GUCY2F: variants seen among roughly 807,000 people sequenced by gnomAD.
The protein encoded by GUCY2F is guanylate cyclase 2F, retinal, also known as retinal guanylyl cyclase 2.
Under a neutral mutation model 73.1 loss-of-function variants are expected in GUCY2F, and 61 were observed. The observed-to-expected ratio is 0.83, with a 90% confidence interval of 0.68 to 1.03. The LOEUF (loss-of-function observed/expected upper bound fraction) is 1.03. Ranked by LOEUF, GUCY2F falls within the 50% of genes least tolerant of loss-of-function variation. GUCY2F has a pLI of 0.00. For synonymous variants in GUCY2F, 331 were observed against 307.8 expected (o/e 1.08, Z -0.79); for missense variants, 912 against 854.3 (o/e 1.07, Z -0.84).
At position 109,392,114 on chromosome X, in the gene GUCY2F, G is replaced by C; in HGVS notation, c.2589-11C>G. 2 of 1,170,157 alleles carry C rather than the reference G, an allele frequency of 1.7e-6. No homozygotes were observed. Among genetic ancestry groups the C allele is most frequent in the Non-Finnish European group, 2.3e-6 (2 of 866,943 alleles). ...GATTCAGCAACTGATCTGAAAAGCAGACACAGCTATTCCTAAGATGACACT... is the reference window on the plus strand; with the variant it reads ...GATTCAGCAACTGATCTGAAAAGCACACACAGCTATTCCTAAGATGACACT... On this transcript the variant is annotated splice_polypyrimidine_tract_variant and intron_variant, in intron 13 of 19. Coordinates refer to ENST00000218006, the MANE Select transcript of GUCY2F (RefSeq NM_001522.3).
At chrX:109,447,438 T>C (rs1229182669) in intron 6 of GUCY2F, among the ~76,000 whole-genome samples, 3 of 110,641 alleles carry the variant, frequency 2.7e-5, no homozygotes, top group South Asian at 7.8e-4. Context: ...TGGAATACTA[T>C]GCAGCCATAA....
At chrX:109,373,461 C>T (rs1569352089) in intron 19 of GUCY2F, among the ~76,000 whole-genome samples, 1 of 111,524 alleles carries the variant, frequency 9.0e-6, no homozygotes, top group African/African-American at 3.3e-5. Context: ...TGTGCTTTCT[C>T]TCCATTCGTT....
Position 109,388,559 on chromosome X carries a change from G to T in GUCY2F, c.2886C>A (p.Ser962Arg), listed in dbSNP as rs1930490789. ...GCCGCATCTTGAAAGTGCCCACAGA[G>T]CTCAGGATATCTAAGGACATGTTTG... ...EIANMSLDIL[S>R]SVGTFKMRHM... is the part of the protein sequence containing the mutation. Residue 962 changes from serine (S) to arginine (R), a missense_variant, in exon 15 of 20, where the codon AGC becomes AGA. By Grantham distance (110) the Ser-to-Arg change is moderately radical. Transcript: ENST00000218006. The T allele has an allele frequency of 8.3e-7, 1 of 1,202,863 alleles. No homozygotes were observed. The highest frequency in any genetic ancestry group is 1.1e-6 in the Non-Finnish European group (1 of 887,831).
At chrX:109,467,672 T>C (rs898869277) in intron 2 of GUCY2F, among the ~76,000 whole-genome samples, 2 of 111,703 alleles carry the variant, frequency 1.8e-5, no homozygotes, top group Non-Finnish European at 3.8e-5. Context: ...TCTCTGAGAG[T>C]TGGCCTCAGC....
At chrX:109,471,419 G>A (rs1412056058) in intron 2 of GUCY2F, among the ~76,000 whole-genome samples, 2 of 112,503 alleles carry the variant, frequency 1.8e-5, no homozygotes, top group African/African-American at 6.5e-5. Context: ...AACCCCTCCT[G>A]AATGAATGCA....
chrX:109,469,267 G>A (rs931759624), intron 2 of GUCY2F, among the ~76,000 whole-genome samples: 2 of 111,139 alleles, frequency 1.8e-5, no homozygotes, highest in East Asian at 2.8e-4. Context: ...ATGAAACTCC[G>A]GGAGAAGCCA....
At chrX:109,464,269 C>T (rs1932421296) in intron 3 of GUCY2F, among the ~76,000 whole-genome samples, 1 of 111,940 alleles carries the variant, frequency 8.9e-6, no homozygotes, top group Non-Finnish European at 1.9e-5. Context: ...ATTGTTTTCT[C>T]TACTTTCTTC....
chrX:109,481,280 A>G (rs954991242), intron 1 of GUCY2F, among the ~76,000 whole-genome samples: 3 of 112,204 alleles, frequency 2.7e-5, no homozygotes, highest in Non-Finnish European at 3.8e-5. Context: ...GAAATAGAAT[A>G]CTACTGGCCC....
At chrX:109,471,263 G>A (rs73530258) in intron 2 of GUCY2F, among the ~76,000 whole-genome samples, 1,337 of 111,906 alleles carry the variant, frequency 0.012, 14 homozygotes, top group East Asian at 0.052. Context: ...GGTAAGCCCA[G>A]ATTGAAAGGA....
chrX:109,460,651 T>C (rs1471820010), intron 3 of GUCY2F, among the ~76,000 whole-genome samples: 1 of 111,345 alleles, frequency 9.0e-6, no homozygotes, highest in Non-Finnish European at 1.9e-5. Flanking sequence ...ACCAAGAATA[T>C]AGGTCATGAG....
chrX:109,379,946 A>G (rs1409714708), intron 17 of GUCY2F, among the ~76,000 whole-genome samples: 1 of 111,941 alleles, frequency 8.9e-6, no homozygotes, highest in East Asian at 2.8e-4. Context: ...CTTTCTTTGT[A>G]ACCTCAACCC....
At chrX:109,405,409 A>G (rs1303581698) in intron 9 of GUCY2F, among the ~76,000 whole-genome samples, 2 of 111,883 alleles carry the variant, frequency 1.8e-5, no homozygotes, top group Non-Finnish European at 3.8e-5. Flanking sequence ...AGAAAGAAGA[A>G]AGCTGTCTAG....
At chrX:109,409,833 C>T (rs1931065214) in intron 8 of GUCY2F, among the ~76,000 whole-genome samples, 1 of 111,682 alleles carries the variant, frequency 9.0e-6, no homozygotes, top group East Asian at 2.8e-4. Flanking sequence ...ATTGTGAGCC[C>T]TCTCCAGCCA....
At chrX:109,375,860 G>A (rs917312306) in intron 19 of GUCY2F, 38 bp downstream of exon 19, 11 of 1,035,106 alleles carry the variant, frequency 1.1e-5, no homozygotes, top group Non-Finnish European at 1.4e-5. Flanking sequence ...TTGAAAATTT[G>A]GCAAGCTGCT....
At chrX:109,429,558 C>T (rs1212941539) in intron 8 of GUCY2F, among the ~76,000 whole-genome samples, 1 of 112,285 alleles carries the variant, frequency 8.9e-6, no homozygotes, top group East Asian at 2.8e-4. Flanking sequence ...CTGGAAGTAG[C>T]AGTTGCCTCA....
intron 10 of GUCY2F, among the ~76,000 whole-genome samples, chrX:109,399,357 AAG>A (rs1251188451): frequency 8.9e-6 from 1 of 112,358 alleles, no homozygotes; most frequent in Non-Finnish European, 1.9e-5. Flanking sequence ...ACTGCAATAA[AAG>A]AGAGGGAATG....
At chrX:109,427,023 G>T (rs1931505432) in intron 8 of GUCY2F, among the ~76,000 whole-genome samples, 1 of 112,018 alleles carries the variant, frequency 8.9e-6, no homozygotes, top group South Asian at 3.7e-4. Flanking sequence ...GCTTGTGAAT[G>T]TGTTTAACAA....
chrX:109,476,106 A>C (rs1327420929), intron 1 of GUCY2F, 85 bp from the exon 2 acceptor site: 27 of 438,416 alleles, frequency 6.2e-5, no homozygotes, highest in Non-Finnish European at 9.9e-5. Flanking sequence ...GGCAAAAAAA[A>C]AAAAAAAATG....
chrX:109,448,589 T>C (rs1055043102), intron 5 of GUCY2F, among the ~76,000 whole-genome samples: 32 of 112,250 alleles, frequency 2.9e-4, no homozygotes, highest in Middle Eastern at 9.2e-3. Flanking sequence ...CTCCATTTTA[T>C]AGACAAAAAC....
Sources: gnomAD v4.1 joint callset for allele counts (sites outside exome capture counted in the v4.1 genomes callset) on GRCh38, gnomAD v4.1.1 for gene constraint, MANE v1.5 for transcripts, NCBI Gene and HGNC (gene_info 2026-07-23, HGNC 2026-07-21) for gene names.